The following MDM4 variants were observed in gnomAD, a reference collection of about 807,000 sequenced individuals.
MDM4 encodes MDM4 regulator of p53.
A neutral mutation model predicts 60.2 loss-of-function variants in MDM4; 2 were observed. That is an observed-to-expected ratio of 0.03 (90% confidence interval 0.01 to 0.10). MDM4 has a LOEUF of 0.10. Ranked by LOEUF, MDM4 falls within the 10% of genes least tolerant of loss-of-function variation. MDM4 has a pLI of 1.00. For missense variants in MDM4, 447 were observed against 577.5 expected (o/e 0.77, Z 2.32); for synonymous variants, 202 against 198.1 (o/e 1.02, Z -0.17).
At chr1:204,522,551 C>G (rs1210984829) in intron 1 of MDM4, among the ~76,000 whole-genome samples, 3 of 151,872 alleles carry the variant, frequency 2.0e-5, no homozygotes, top group Admixed American at 6.6e-5. Context: ...GCGTGTGCCA[C>G]CACACCTGGC....
intron 1 of MDM4, among the ~76,000 whole-genome samples, chr1:204,520,472 T>G (rs146393097): frequency 8.2e-4 from 123 of 150,774 alleles, no homozygotes; most frequent in Non-Finnish European, 1.3e-4. Flanking sequence ...GCAAGGGAAA[T>G]GAAAACAATA....
rs890111085 is a variant in MDM4 at position 204,555,740 on chromosome 1, C to G, written c.*6058C>G. ...ATTAGCCGGTCGTGGTGGCGTGCACCTGTAGTCCCAGCTACTTGGCAGGTT... is the reference window on the plus strand; with the variant it reads ...ATTAGCCGGTCGTGGTGGCGTGCACGTGTAGTCCCAGCTACTTGGCAGGTT... On this transcript the variant is annotated 3_prime_UTR_variant, in exon 11 of 11. Coordinates refer to ENST00000367182, the MANE Select transcript of MDM4 (RefSeq NM_002393.5). 5.8e-6 allele frequency: 1 copy of G among 173,864 alleles called. No homozygotes were observed. Among genetic ancestry groups the G allele is most frequent in the African/African-American group, 2.4e-5 (1 of 42,066 alleles). 10.8% of individuals were successfully genotyped at this position (173,864 alleles called of 1,614,324 possible). A position where few individuals can be genotyped will look rare whatever the true frequency, so the allele number is the denominator to read the frequency against.
intron 9 of MDM4, among the ~76,000 whole-genome samples, chr1:204,545,951 G>T (rs1256727334): frequency 6.6e-6 from 1 of 151,772 alleles, no homozygotes; most frequent in Non-Finnish European, 1.5e-5. Flanking sequence ...ACAAAACTAG[G>T]GCTTTAAATT....
chr1:204,549,071 A>G, intron 10 of MDM4, 42 bp from the exon 11 acceptor site: 2 of 1,234,380 alleles, frequency 1.6e-6, no homozygotes, highest in Non-Finnish European at 2.3e-6. Flanking sequence ...TCAGCATCAT[A>G]TTAACCCCCT....
chr1:204,528,798 G>A, intron 3 of MDM4: 1 of 1,200,806 alleles, frequency 8.3e-7, no homozygotes, highest in South Asian at 1.3e-5. Context: ...ACTCTAGGAA[G>A]CCAGGAAAGG....
intron 8 of MDM4, among the ~76,000 whole-genome samples, chr1:204,543,591 A>C (rs991259252): frequency 6.6e-6 from 1 of 152,094 alleles, no homozygotes; most frequent in Non-Finnish European, 1.5e-5. Context: ...TTTAGGACTC[A>C]CCTCAAATGT....
rs796855425 is a variant in MDM4 at position 204,552,280 on chromosome 1, GAAA to G, written c.*2606_*2608del. ...AATAGCGAAACTGTCTCAGAAAAAA[GAAA>G]AAAAAAATCGCAAAAAGAAAAATCT... On this transcript the variant is annotated 3_prime_UTR_variant, in exon 11 of 11. Coordinates refer to ENST00000367182, the MANE Select transcript of MDM4 (RefSeq NM_002393.5). The G allele has an allele frequency of 1.7e-5, 2 of 118,210 alleles. 1 individual carries two copies. The highest frequency in any genetic ancestry group is 5.8e-4 in the South Asian group (2 of 3,440). 7.3% of individuals were successfully genotyped at this position (118,210 alleles called of 1,614,324 possible).
chr1:204,539,185 C>T (rs902147668), intron 7 of MDM4, among the ~76,000 whole-genome samples: 1 of 151,950 alleles, frequency 6.6e-6, no homozygotes, highest in Non-Finnish European at 1.5e-5. Flanking sequence ...GGGGTTTTGC[C>T]ATGTTGGCCA....
At chr1:204,532,041 CTG>C (rs895040183) in intron 4 of MDM4, 148 bp from the exon 5 acceptor site, 1 of 528,294 alleles carries the variant, frequency 1.9e-6, no homozygotes, top group South Asian at 3.0e-5. Flanking sequence ...TAATTAAAAA[CTG>C]TTCTGGGAAA....
intron 10 of MDM4, 152 bp downstream of exon 10, chr1:204,547,029 T>A (rs1316178734): frequency 1.8e-5 from 9 of 489,694 alleles, no homozygotes; most frequent in South Asian, 7.4e-5. Flanking sequence ...TACATTTTTT[T>A]AAGAGATTTT....
intron 6 of MDM4, chr1:204,537,897 C>CAT: frequency 1.5e-6 from 1 of 682,934 alleles, no homozygotes; most frequent in South Asian, 1.4e-5. Context: ...GCGAGGGTTT[C>CAT]ATATGTTTTC....
chr1:204,524,959 T>G (rs1659971967), intron 1 of MDM4, among the ~76,000 whole-genome samples: 1 of 152,358 alleles, frequency 6.6e-6, no homozygotes, highest in East Asian at 1.9e-4. Flanking sequence ...ATTGCTGTGT[T>G]TTTTTCTGGG....
In MDM4 at chr1:204,516,497, G is replaced by A. The variant is rs1658983165; in HGVS notation, c.-48G>A. ...GGGCTCGGCGGGGGAGCGACTCATG[G>A]AGCTGCCGTAAGGTGTGGCTCTTGG... On this transcript the variant is annotated 5_prime_UTR_variant, in exon 1 of 11. Transcript: ENST00000367182. 6.6e-6 allele frequency: 1 copy of A among 152,286 alleles called. No individual in the cohort carries two copies. The highest frequency in any genetic ancestry group is 2.4e-5 in the African/African-American group (1 of 41,450). The allele number at this position is 152,286 out of a possible 1,614,324, so 9.4% of individuals were successfully genotyped here. A position where few individuals can be genotyped will look rare whatever the true frequency, so the allele number is the denominator to read the frequency against.
In MDM4 at chr1:204,543,086, C is replaced by T; in HGVS notation, c.672+142C>T. ...AATACCATCTGTATGCATGTGATAC[C>T]CAAATCTGTATCTCTAGTCCTTACC... On this transcript the variant is annotated intron_variant, in intron 8 of 10. Transcript: ENST00000367182. 1.2e-5 allele frequency: 8 copies of T among 674,436 alleles called. No individual in the cohort carries two copies. In the South Asian group the frequency reaches 1.3e-4, roughly 11 times the overall value. The allele number at this position is 674,436 out of a possible 1,614,324, so 41.8% of individuals were successfully genotyped here.
Position 204,546,838 on chromosome 1 carries a change from G to A in MDM4, c.864G>A (p.Lys288=), listed in dbSNP as rs528182432. Residue 288 remains lysine (K), a synonymous_variant, in exon 10 of 11, where the codon AAG becomes AAA. Transcript: ENST00000367182. ...AAAATGATGACCTGGAGGACTCTAA[G>A]TCCTTAAGTGATGATACCGATGTAG... ...VGKNDDLEDS[K]SLSDDTDVEV... is the part of the protein sequence containing the mutation. 1.9e-6 allele frequency: 3 copies of A among 1,613,396 alleles called. No individual in the cohort carries two copies. The highest frequency in any genetic ancestry group is 2.2e-5 in the East Asian group (1 of 44,860).
rs1456529462 is a variant in MDM4, at chr1:204,554,270, A to G, written c.*4588A>G. ...ATTTGAGTTTTTTCCCCTCAGAATTATGTGAATTTCTGATATATGGCTTTA... is the reference window on the plus strand; with the variant it reads ...ATTTGAGTTTTTTCCCCTCAGAATTGTGTGAATTTCTGATATATGGCTTTA... On this transcript the variant is annotated 3_prime_UTR_variant, in exon 11 of 11. Transcript: ENST00000367182. 1 of 225,198 alleles carries G rather than the reference A, an allele frequency of 4.4e-6. No individual in the cohort carries two copies. Among genetic ancestry groups the G allele is most frequent in the Non-Finnish European group, 8.8e-6 (1 of 113,214 alleles). 13.9% of individuals were successfully genotyped at this position (225,198 alleles called of 1,614,324 possible).
At chr1:204,527,133 A>C (rs1660278148) in intron 3 of MDM4, among the ~76,000 whole-genome samples, 2 of 147,096 alleles carry the variant, frequency 1.4e-5, no homozygotes, top group Non-Finnish European at 3.0e-5. Flanking sequence ...TGTCTCTAAA[A>C]AAAAAAAAAA....
intron 7 of MDM4, among the ~76,000 whole-genome samples, chr1:204,540,167 C>G (rs1661899493): frequency 6.6e-6 from 1 of 151,922 alleles, no homozygotes; most frequent in African/African-American, 2.4e-5. Flanking sequence ...CGCCCGTAGT[C>G]CCAGCTACCC....
At chr1:204,529,162 AG>A in intron 3 of MDM4, 1 of 895,310 alleles carries the variant, frequency 1.1e-6, no homozygotes, top group Non-Finnish European at 1.8e-6. Flanking sequence ...GAATTTCCAC[AG>A]GGCTGAGAAG....
Sources: allele counts gnomAD v4.1 joint callset (sites outside exome capture counted in the v4.1 genomes callset), GRCh38; gene constraint gnomAD v4.1.1; transcripts MANE v1.5; gene names NCBI Gene and HGNC (gene_info 2026-07-23, HGNC 2026-07-21).